The following SLC27A4 variants were observed in gnomAD, a reference collection of about 807,000 sequenced individuals.
SLC27A4 encodes the protein solute carrier family 27 member 4.
SLC27A4 carries 33 observed loss-of-function variants against 64.4 expected under a neutral mutation model. The observed-to-expected ratio is 0.51, with a 90% CI of 0.39 to 0.68. SLC27A4 has a LOEUF of 0.68. SLC27A4 is among the 30% of genes least tolerant of loss of function. SLC27A4 has a pLI of 0.00. For missense variants in SLC27A4, 824 were observed against 883.5 expected, an observed-to-expected ratio of 0.93 and a Z score of 0.85; for synonymous variants, 377 against 370.0, an observed-to-expected ratio of 1.02 and a Z score of -0.22.
intron 12 of SLC27A4, among the ~76,000 whole-genome samples, chr9:128,357,943 G>C (rs550617058): frequency 9.8e-5 from 15 of 152,288 alleles, no homozygotes; most frequent in Admixed American, 1.3e-4. Context: ...ACTGTGGCCA[G>C]GCTAATGGCC....
Position 128,348,531 on chromosome 9 carries a change from CT to C in SLC27A4, c.557-13del. 8 of 1,612,738 alleles carry C rather than the reference CT, an allele frequency of 5.0e-6. No individual in the cohort carries two copies. The highest frequency in any genetic ancestry group is 6.8e-6 in the Non-Finnish European group (8 of 1,180,028). ...TTTTCTGGCCTGCCTGCTGACTGCC[CT>C]GTCTCCCCACAGCCATCTGTGAGGT... On this transcript the variant is annotated splice_polypyrimidine_tract_variant and intron_variant, in intron 3 of 12. Coordinates refer to ENST00000300456, the MANE Select transcript of SLC27A4 (RefSeq NM_005094.4).
intron 12 of SLC27A4, among the ~76,000 whole-genome samples, chr9:128,359,557 C>T (rs80324784): frequency 2.0e-5 from 3 of 152,118 alleles, no homozygotes; most frequent in African/African-American, 4.8e-5. Context: ...CCCGGGAGGC[C>T]GAGGTTGCAG....
chr9:128,345,324 T>C lies in SLC27A4; in HGVS notation c.331T>C (p.Ser111Pro). 2 of 1,613,848 alleles carry C rather than the reference T, an allele frequency of 1.2e-6. No homozygotes were observed. The highest frequency in any genetic ancestry group is 1.7e-6 in the Non-Finnish European group (2 of 1,180,002). ...GACCTTCCGCCAGCTGGATGAGTAC[T>C]CAAGCAGTGTAGCCAACTTCCTGCA... ...HWTFRQLDEY[S>P]SSVANFLQAR... The change falls in exon 3 of 13, where the codon TCA becomes CCA. Residue 111 changes from serine to proline, a missense_variant. Ser to Pro is a moderately conservative substitution (Grantham distance 74). Transcript: ENST00000300456. This position sits in a 1 kb window ranked among gnomAD's most constrained non-coding sequence, Gnocchi z 4.1.
chr9:128,355,233 G>A (rs1376766113), intron 10 of SLC27A4, 43 bp downstream of exon 10: 4 of 1,608,580 alleles, frequency 2.5e-6, no homozygotes, highest in Non-Finnish European at 8.5e-7. Context: ...AGGGTTGGGG[G>A]AGGAGGGGAC....
rs769915825 is a variant in SLC27A4 at position 128,345,509 on chromosome 9, G to T, written c.516G>T (p.Ser172=). 6.2e-7 allele frequency: 1 copy of T among 1,609,818 alleles called. No individual in the cohort carries two copies. Residue 172 remains serine, a synonymous_variant, in exon 3 of 13, where the codon TCG becomes TCT. Transcript: ENST00000300456. This position sits in a 1 kb window ranked among gnomAD's most constrained non-coding sequence, Gnocchi z 4.1. Reference sequence around the variant, plus strand: ...CTCTGCTCCACTGCCTCACCACCTCGCGCGCACGGGCCCTTGTCTTTGGCA... The same window carrying T: ...CTCTGCTCCACTGCCTCACCACCTCTCGCGCACGGGCCCTTGTCTTTGGCA... ...RDALLHCLTT[S]RARALVFGSE... is the part of the protein sequence containing the mutation.
In SLC27A4 at chr9:128,360,739, G is replaced by GA. The variant is rs1832890201; in HGVS notation, c.*249dup. The GA allele has an allele frequency of 5.6e-6, 3 of 533,380 alleles. No individual in the cohort carries two copies. In the South Asian group the frequency reaches 6.1e-5, roughly 11 times the overall value. The allele number at this position is 533,380 out of a possible 1,614,324, so 33.0% of individuals were successfully genotyped here. ...GCAGGCCCTCTGGTTCCCAGGCTGA[G>GA]ACTGACGGGTTTTCTCAGGATGATG... On this transcript the variant is annotated 3_prime_UTR_variant, in exon 13 of 13. Transcript: ENST00000300456.
At chr9:128,348,023 G>A (rs1227760636) in intron 3 of SLC27A4, among the ~76,000 whole-genome samples, 7 of 152,158 alleles carry the variant, frequency 4.6e-5, no homozygotes, top group South Asian at 2.1e-4. Flanking sequence ...CTCCATGCCC[G>A]GGGGTGGGGG....
In SLC27A4 at chr9:128,360,990, A is replaced by C. The variant is rs1045497866; in HGVS notation, c.*499A>C. Reference sequence around the variant, plus strand: ...CCAGGAGGGGAGGAGAGGACCTGACATCTGTAGGTGGCCCCTGATGCCCCA... The same window carrying C: ...CCAGGAGGGGAGGAGAGGACCTGACCTCTGTAGGTGGCCCCTGATGCCCCA... On this transcript the variant is annotated 3_prime_UTR_variant, in exon 13 of 13. Transcript: ENST00000300456. The C allele has an allele frequency of 5.3e-6, 1 of 189,536 alleles. No individual in the cohort carries two copies. Among genetic ancestry groups the C allele is most frequent in the Non-Finnish European group, 1.1e-5 (1 of 89,550 alleles). The allele number at this position is 189,536 out of a possible 1,614,324, so 11.7% of individuals were successfully genotyped here. A position where few individuals can be genotyped will look rare whatever the true frequency, so the allele number is the denominator to read the frequency against.
chr9:128,342,126 T>C (rs1277099910), intron 1 of SLC27A4: 1 of 855,816 alleles, frequency 1.2e-6, no homozygotes, highest in Non-Finnish European at 2.0e-6. Context: ...ATGTTTTGGC[T>C]AGAAAAGCCT....
chr9:128,354,988 C>T (rs983668874), intron 9 of SLC27A4, 65 bp from the exon 10 acceptor site: 49 of 1,469,072 alleles, frequency 3.3e-5, no homozygotes, highest in Non-Finnish European at 4.4e-5. Context: ...GCAGGGTACA[C>T]CTGGTGACAG....
chr9:128,358,025 C>T (rs938229538), intron 12 of SLC27A4, among the ~76,000 whole-genome samples: 24 of 152,282 alleles, frequency 1.6e-4, no homozygotes, highest in African/African-American at 5.8e-4. Flanking sequence ...GCTCTCAGAC[C>T]TTGTATTTCA....
chr9:128,341,596 C>T (rs1421421894), intron 1 of SLC27A4, among the ~76,000 whole-genome samples: 1 of 152,202 alleles, frequency 6.6e-6, no homozygotes, highest in Non-Finnish European at 1.5e-5. Context: ...GGGTCGCCCT[C>T]TATAGACCAA....
intron 1 of SLC27A4, among the ~76,000 whole-genome samples, chr9:128,341,286 C>G (rs751965399): frequency 2.6e-5 from 4 of 152,176 alleles, no homozygotes; most frequent in Non-Finnish European, 4.4e-5. Flanking sequence ...ACATTTGTGA[C>G]CTTCATCTAC....
Position 128,360,322 on chromosome 9 carries a change from C to T in SLC27A4, c.1775-12C>T, listed in dbSNP as rs539722245. The T allele has an allele frequency of 8.0e-4, 1,298 of 1,614,038 alleles. 23 individuals are homozygous for T. In the South Asian group the frequency reaches 0.013, roughly 16 times the overall value. On this transcript the variant is annotated splice_polypyrimidine_tract_variant and intron_variant, in intron 12 of 12. Coordinates refer to ENST00000300456, the MANE Select transcript of SLC27A4 (RefSeq NM_005094.4). ...CCTGCCCTGCACTGAGTCTTCTTCC[C>T]TGCTCTCCCAGGAACCTACAAGTTC...
intron 9 of SLC27A4, among the ~76,000 whole-genome samples, chr9:128,354,327 T>G (rs1736152499): frequency 6.6e-6 from 1 of 151,084 alleles, no homozygotes; most frequent in African/African-American, 2.4e-5. Context: ...TCCTTAGCTC[T>G]GTGTCATGGG....
chr9:128,344,688 C>T (rs2131252348), intron 2 of SLC27A4, among the ~76,000 whole-genome samples: 1 of 152,266 alleles, frequency 6.6e-6, no homozygotes, highest in African/African-American at 2.4e-5. Flanking sequence ...GACAGACCAG[C>T]AAACTCATTC....
At chr9:128,351,760 A>G (rs950410155) in intron 6 of SLC27A4, among the ~76,000 whole-genome samples, 16 of 152,064 alleles carry the variant, frequency 1.1e-4, no homozygotes, top group African/African-American at 3.9e-4. Context: ...AAAAATAAAA[A>G]TAAACAGGAT....
At position 128,350,502 on chromosome 9, in the gene SLC27A4, C is replaced by T. The variant is rs757961846; in HGVS notation, c.804C>T (p.Ala268=). 2 of 1,614,100 alleles carry T rather than the reference C, an allele frequency of 1.2e-6. No homozygotes were observed. Among genetic ancestry groups the T allele is most frequent in the Admixed American group, 1.7e-5 (1 of 60,024 alleles). ...TTCCCAGGTATTACCGCATGGCTGCCCTGGTGTACTATGGATTCCGCATGC... is the reference window on the plus strand; with the variant it reads ...TTCCCAGGTATTACCGCATGGCTGCTCTGGTGTACTATGGATTCCGCATGC... ...VVHSRYYRMA[A]LVYYGFRMRP... The change falls in exon 6 of 13, where the codon GCC becomes GCT. Residue 268 remains alanine, a synonymous_variant. Transcript: ENST00000300456.
chr9:128,344,768 G>T (rs1206016889), intron 2 of SLC27A4, among the ~76,000 whole-genome samples: 1 of 152,182 alleles, frequency 6.6e-6, no homozygotes, highest in Non-Finnish European at 1.5e-5. Context: ...AAGGAGTTTG[G>T]ACTTTTACAG....
Sources: allele counts gnomAD v4.1 joint callset (sites outside exome capture counted in the v4.1 genomes callset), GRCh38; gene constraint gnomAD v4.1.1; non-coding constraint Gnocchi (gnomAD v3.1); transcripts MANE v1.5; gene names NCBI Gene and HGNC (gene_info 2026-07-23, HGNC 2026-07-21).